Variants in OLR1 observed in about 807,000 individuals in gnomAD.
OLR1 encodes oxidized low-density lipoprotein receptor 1.
OLR1 carries 23 observed loss-of-function variants against 31.7 expected under a neutral mutation model. The observed-to-expected ratio is 0.72, with a 90% CI of 0.52 to 1.03. OLR1 has a LOEUF of 1.03. OLR1 is among the 50% of genes least tolerant of loss of function. OLR1 has a pLI of 0.00. For synonymous variants in OLR1, 117 were observed against 115.8 expected (o/e 1.01, Z -0.07); for missense variants, 286 against 315.7 (o/e 0.91, Z 0.71).
rs926480697 is a variant in OLR1, at chr12:10,160,774, A to C, written c.564+12T>G. 2.5e-6 allele frequency: 4 copies of C among 1,613,050 alleles called. No homozygotes were observed. The highest frequency in any genetic ancestry group is 1.3e-5 in the African/African-American group (1 of 75,056). ...CAATACTCCACCCCAACAAATATCCATGAACACTCACCAGATCAGCTGTGC... is the reference window on the plus strand; with the variant it reads ...CAATACTCCACCCCAACAAATATCCCTGAACACTCACCAGATCAGCTGTGC... On this transcript the variant is annotated intron_variant, in intron 4 of 5. Transcript: ENST00000309539.
At chr12:10,174,493 C>G (rs1948751791), upstream of OLR1, among the ~76,000 whole-genome samples, 1 of 152,082 alleles carries the variant, frequency 6.6e-6, no homozygotes, top group South Asian at 2.1e-4. Context: ...AGTTGAAGGC[C>G]TAAAGAACAA....
chr12:10,173,606 A>G (rs530772535), upstream of OLR1, among the ~76,000 whole-genome samples: 38 of 151,576 alleles, frequency 2.5e-4, no homozygotes, highest in African/African-American at 7.7e-4. Context: ...ACCTGTTGAA[A>G]CCCTGTCACC....
upstream of OLR1, chr12:10,172,254 A>G (rs1243614053): frequency 1.8e-6 from 1 of 557,732 alleles, no homozygotes; most frequent in African/African-American, 1.9e-5. Context: ...CGCTGACGCA[A>G]ATTCTTGAGT....
chr12:10,176,007 G>T (rs1418441959), upstream of OLR1, among the ~76,000 whole-genome samples: 1 of 152,182 alleles, frequency 6.6e-6, no homozygotes, highest in Non-Finnish European at 1.5e-5. Flanking sequence ...ACCCTCTACT[G>T]GTTCCACTCC....
chr12:10,176,099 C>T (rs7315498), upstream of OLR1, among the ~76,000 whole-genome samples: 80,735 of 152,040 alleles, frequency 0.53, 22,300 homozygotes, highest in Middle Eastern at 0.7. Context: ...TGTAATGAGA[C>T]CATTTCCCTC....
Position 10,159,309 on chromosome 12 carries a change from G to GTGTGTC in OLR1, c.*570_*571insGACACA, listed in dbSNP as rs1555086620. ...AAAATGTGTGTGTGTGTGTGTGTGT[G>GTGTGTC]TGTCTGTCTGTCTGTCTGTCCGTAA... On this transcript the variant is annotated 3_prime_UTR_variant, in exon 6 of 6. Coordinates refer to ENST00000309539, the MANE Select transcript of OLR1 (RefSeq NM_002543.4). The GTGTGTC allele has an allele frequency of 1.6e-5, 2 of 124,930 alleles. No homozygotes were observed. The highest frequency in any genetic ancestry group is 2.3e-4 in the South Asian group (1 of 4,352). The allele number at this position is 124,930 out of a possible 1,614,324, so 7.7% of individuals were successfully genotyped here.
upstream of OLR1, among the ~76,000 whole-genome samples, chr12:10,175,800 T>C (rs571943683): frequency 2.0e-5 from 3 of 152,326 alleles, no homozygotes; most frequent in South Asian, 6.2e-4. Flanking sequence ...TAGTTTGAGG[T>C]TGATGCCTCA....
chr12:10,161,012 C>T, intron 3 of OLR1, 87 bp from the exon 4 acceptor site: 1 of 1,296,052 alleles, frequency 7.7e-7, no homozygotes, highest in Admixed American at 2.1e-5. Flanking sequence ...CCTTAGTTCT[C>T]TCACGTGCAT....
chr12:10,160,634 G>A (rs775268448), intron 4 of OLR1, 152 bp downstream of exon 4: 68 of 1,073,658 alleles, frequency 6.3e-5, no homozygotes, highest in Middle Eastern at 4.7e-4. Context: ...GAGCCTGTCC[G>A]TCCAAGGTCA....
At chr12:10,172,572 C>A (rs2137530835), upstream of OLR1, among the ~76,000 whole-genome samples, 1 of 152,244 alleles carries the variant, frequency 6.6e-6, no homozygotes, top group Non-Finnish European at 1.5e-5. Context: ...TTTTATCTGG[C>A]AATGGATCTA....
upstream of OLR1, among the ~76,000 whole-genome samples, chr12:10,176,249 G>C (rs919236523): frequency 6.6e-6 from 1 of 151,980 alleles, no homozygotes; most frequent in Non-Finnish European, 1.5e-5. Flanking sequence ...CTGCCCCAAG[G>C]CATAATCTCA....
chr12:10,161,940 TATATAA>T (rs138546238), intron 3 of OLR1, among the ~76,000 whole-genome samples: 58,861 of 146,242 alleles, frequency 0.4, 13,042 homozygotes, highest in Middle Eastern at 0.56. Flanking sequence ...TATATATATA[TATATAA>T]AAAACACATA....
Position 10,160,348 on chromosome 12 carries a change from A to T in OLR1, c.679T>A (p.Leu227Ile). 1 of 1,610,544 alleles carries T rather than the reference A, an allele frequency of 6.2e-7. No individual in the cohort carries two copies. The highest frequency in any genetic ancestry group is 8.5e-7 in the Non-Finnish European group (1 of 1,177,502). Residue 227 changes from leucine (L) to isoleucine (I), a missense_variant and splice_region_variant, in exon 5 of 6, where the codon TTA (leucine) becomes ATA (isoleucine). Leu to Ile is a conservative substitution (Grantham distance 5). Coordinates refer to ENST00000309539, the MANE Select transcript of OLR1 (RefSeq NM_002543.4). ...WEDGSPLMPH[L>I]FRVRGAVSQT... is the part of the protein sequence containing the mutation. ...CATCAAAAAGAATGGGAAACTTACA[A>T]GTGGGGCATCAAAGGAGAACCGTCC... is the stretch of plus-strand genomic sequence containing the variant.
chr12:10,171,780 C>T (rs1948720526), intron 1 of OLR1, among the ~76,000 whole-genome samples: 1 of 152,170 alleles, frequency 6.6e-6, no homozygotes, highest in Admixed American at 6.5e-5. Flanking sequence ...AAGTGAATAA[C>T]ATATAGAATA....
upstream of OLR1, among the ~76,000 whole-genome samples, chr12:10,176,096 A>G (rs1948763624): frequency 6.6e-6 from 1 of 152,212 alleles, no homozygotes. Flanking sequence ...GATTGTAATG[A>G]GACCATTTCC....
upstream of OLR1, chr12:10,172,450 G>C (rs539734886): frequency 6.1e-6 from 1 of 164,222 alleles, no homozygotes; most frequent in African/African-American, 2.4e-5. Flanking sequence ...AAATGTGCCA[G>C]AATTATGGGC....
At chr12:10,170,831 C>G (rs965662192) in intron 1 of OLR1, 1 of 152,100 alleles carries the variant, frequency 6.6e-6, no homozygotes, top group South Asian at 2.1e-4. Context: ...AAAAGAAAAT[C>G]ACAGGACCCT....
At chr12:10,166,016 G>A (rs1948658912) in intron 3 of OLR1, among the ~76,000 whole-genome samples, 1 of 151,730 alleles carries the variant, frequency 6.6e-6, no homozygotes, top group African/African-American at 2.4e-5. Context: ...TTTGAGACCA[G>A]CCTGTTCAAT....
rs746698433 is a variant in OLR1 at position 10,160,373 on chromosome 12, C to T, written c.654G>A (p.Glu218=). Residue 218 remains glutamate, a synonymous_variant, in exon 5 of 6, where the codon GAG becomes GAA. Transcript: ENST00000309539. ...AGTGGGGCATCAAAGGAGAACCGTC[C>T]TCCCAGAGCCATGGGTAGCTGGGGT... The part of the protein sequence containing the change: ...RRNPSYPWLW[E]DGSPLMPHLF... 3.1e-6 allele frequency: 5 copies of T among 1,613,628 alleles called. No individual in the cohort carries two copies. In the South Asian group the frequency reaches 5.5e-5, roughly 18 times the overall value.
Sources: gnomAD v4.1 joint callset for allele counts (sites outside exome capture counted in the v4.1 genomes callset) on GRCh38, gnomAD v4.1.1 for gene constraint, MANE v1.5 for transcripts, NCBI Gene and HGNC (gene_info 2026-07-23, HGNC 2026-07-21) for gene names.